The following BCR variants were observed in gnomAD, a reference collection of about 807,000 sequenced individuals.
BCR encodes the protein breakpoint cluster region protein.
BCR carries 58 observed loss-of-function variants against 138.6 expected under a neutral mutation model. The ratio of observed to expected loss-of-function variants is 0.42; its 90% CI spans 0.34 to 0.52. The LOEUF is 0.52. Ranked by LOEUF, BCR falls within the 20% of genes least tolerant of loss-of-function variation. BCR has a pLI of 0.06. For synonymous variants in BCR, 786 were observed against 730.1 expected, an observed-to-expected ratio of 1.08 and a Z score of -1.23; for missense variants, 1,599 against 1,727.2, an observed-to-expected ratio of 0.93 and a Z score of 1.32.
chr22:23,315,921 G>A lies in BCR; in HGVS notation c.*399G>A, dbSNP rs2074067366. 3 of 408,218 alleles carry A rather than the reference G, an allele frequency of 7.3e-6. No individual in the cohort carries two copies. Among genetic ancestry groups the A allele is most frequent in the South Asian group, 6.8e-5 (3 of 44,340 alleles). The allele number at this position is 408,218 out of a possible 1,614,324, so 25.3% of individuals were successfully genotyped here. ...GGGAACGTGACTGGATTCCCTCACT[G>A]TTGTATCTTGAATAAACGCTGCTGC... On this transcript the variant is annotated 3_prime_UTR_variant, in exon 23 of 23. Coordinates refer to ENST00000305877, the MANE Select transcript of BCR (RefSeq NM_004327.4).
intron 4 of BCR, 67 bp from the exon 5 acceptor site, chr22:23,268,341 C>A: frequency 7.5e-7 from 1 of 1,325,562 alleles, no homozygotes; most frequent in Non-Finnish European, 1.0e-6. Flanking sequence ...TGCACGGGAG[C>A]CTGCTCTTCA....
intron 8 of BCR, among the ~76,000 whole-genome samples, chr22:23,280,588 C>T (rs906259940): frequency 6.6e-6 from 1 of 152,206 alleles, no homozygotes; most frequent in Non-Finnish European, 1.5e-5. Flanking sequence ...GTCTTTCTCA[C>T]CCCATCATGT....
chr22:23,243,346 G>A (rs953863671), intron 1 of BCR, among the ~76,000 whole-genome samples: 3 of 152,148 alleles, frequency 2.0e-5, no homozygotes, highest in Non-Finnish European at 4.4e-5. Flanking sequence ...TTGATCACCC[G>A]TGTCTACAGC....
intron 16 of BCR, among the ~76,000 whole-genome samples, chr22:23,298,111 T>C (rs1047571675): frequency 5.9e-5 from 9 of 152,178 alleles, no homozygotes; most frequent in African/African-American, 2.2e-4. Flanking sequence ...ATGGGCTCAA[T>C]GCTGAAGTCA....
intron 1 of BCR, among the ~76,000 whole-genome samples, chr22:23,253,039 C>G (rs935139996): frequency 6.6e-6 from 1 of 152,170 alleles, no homozygotes; most frequent in African/African-American, 2.4e-5. Flanking sequence ...ACAGCCCCCT[C>G]CTTGAGTTTG....
At chr22:23,294,697 C>A (rs1197197008) in intron 15 of BCR, among the ~76,000 whole-genome samples, 2 of 152,226 alleles carry the variant, frequency 1.3e-5, no homozygotes, top group Non-Finnish European at 1.5e-5. Flanking sequence ...CCGTGCCCAG[C>A]CCATAGAAAT....
At position 23,244,185 on chromosome 22, in the gene BCR, G is replaced by C. The variant is rs551593688; in HGVS notation, c.1280-9614G>C. Among the ~76,000 whole-genome samples the C allele has an allele frequency of 2.9e-4, 44 of 152,324 alleles. No individual in the cohort carries two copies. In the South Asian group the frequency reaches 8.7e-3, roughly 30 times the overall value. On this transcript the variant is annotated intron_variant, in intron 1 of 22. Transcript: ENST00000305877. ...GTCCAGAGACTGGGAGGATTGCCTGGTGAAAGGAGAAAACCCACACGTGTG... is the reference window on the plus strand; with the variant it reads ...GTCCAGAGACTGGGAGGATTGCCTGCTGAAAGGAGAAAACCCACACGTGTG...
At chr22:23,251,667 G>A (rs535610178) in intron 1 of BCR, among the ~76,000 whole-genome samples, 1 of 152,260 alleles carries the variant, frequency 6.6e-6, no homozygotes, top group African/African-American at 2.4e-5. Flanking sequence ...CAGCCTGGGT[G>A]TGTGTGGTGG....
chr22:23,189,154 C>G lies in BCR; in HGVS notation c.1279+6915C>G, dbSNP rs5759633. On this transcript the variant is annotated intron_variant, in intron 1 of 22. Coordinates refer to ENST00000305877, the MANE Select transcript of BCR (RefSeq NM_004327.4). ...GGATTACAGGCCTGAGCCACTGCGC[C>G]CGGCTAAAATTTATATTATAAGATG... Among the ~76,000 whole-genome samples the G allele has an allele frequency of 8.6e-3, 1,305 of 152,280 alleles. 68 individuals are homozygous for G. The East Asian group carries it at 0.15, about 17-fold the overall frequency.
chr22:23,245,503 T>G (rs1321853548), intron 1 of BCR, among the ~76,000 whole-genome samples: 1 of 152,160 alleles, frequency 6.6e-6, no homozygotes, highest in Non-Finnish European at 1.5e-5. Flanking sequence ...CCAAGGACCC[T>G]GGTGGCAGGC....
chr22:23,219,148 G>T (rs1039075233), intron 1 of BCR, among the ~76,000 whole-genome samples: 5 of 152,200 alleles, frequency 3.3e-5, no homozygotes, highest in African/African-American at 1.2e-4. Context: ...ATAATCCAGG[G>T]GGAGGGGAGA....
In BCR at chr22:23,272,704, G is replaced by A. The variant is rs1406116758; in HGVS notation, c.1922-377G>A. Among the ~76,000 whole-genome samples the A allele has an allele frequency of 3.3e-5, 5 of 152,164 alleles. No individual in the cohort carries two copies. The South Asian group carries it at 8.3e-4, about 25-fold the overall frequency. ...GATGGTAAGAGCAGCTAAGAGGTCT[G>A]CTCAGCTTACCCTCTGGGCTGGGGA... On this transcript the variant is annotated intron_variant, in intron 6 of 22. Transcript: ENST00000305877.
Position 23,261,465 on chromosome 22 carries a change from G to A in BCR, c.1677G>A (p.Glu559=), listed in dbSNP as rs1203430872. 6.2e-6 allele frequency: 10 copies of A among 1,613,854 alleles called. No homozygotes were observed. The highest frequency in any genetic ancestry group is 1.7e-5 in the Admixed American group (1 of 60,020). The part of the protein sequence containing the change: ...KVPELYEIHK[E]FYDGLFPRVQ... Reference sequence around the variant, plus strand: ...CTGAGCTCTACGAGATCCACAAGGAGTTCTATGATGGGCTCTTCCCCCGCG... The same window carrying A: ...CTGAGCTCTACGAGATCCACAAGGAATTCTATGATGGGCTCTTCCCCCGCG... Residue 559 remains glutamate (E), a synonymous_variant, in exon 4 of 23, where the codon GAG becomes GAA. Transcript: ENST00000305877.
In BCR at chr22:23,186,617, A is replaced by C. The variant is rs116733880; in HGVS notation, c.1279+4378A>C. Among the ~76,000 whole-genome samples the C allele has an allele frequency of 6.2e-3, 943 of 152,186 alleles. 8 individuals are homozygous for C. Among genetic ancestry groups the C allele is most frequent in the African/African-American group, 0.021 (857 of 41,520 alleles). ...GTCTCTGAATTCAGCTATTATAGATACCTCATGTAAGTCCAGTCCTGTGGC... is the reference window on the plus strand; with the variant it reads ...GTCTCTGAATTCAGCTATTATAGATCCCTCATGTAAGTCCAGTCCTGTGGC... On this transcript the variant is annotated intron_variant, in intron 1 of 22. Coordinates refer to ENST00000305877, the MANE Select transcript of BCR (RefSeq NM_004327.4).
intron 8 of BCR, among the ~76,000 whole-genome samples, chr22:23,278,733 C>CA (rs567063864): frequency 1.4e-4 from 21 of 150,488 alleles, no homozygotes; most frequent in Admixed American, 5.3e-4. Context: ...AATTCCGTCT[C>CA]AAAAAAAAAG....
chr22:23,258,258 GCC>G (rs397837229), intron 2 of BCR, among the ~76,000 whole-genome samples: 1 of 145,910 alleles, frequency 6.9e-6, no homozygotes, highest in Admixed American at 6.9e-5. Flanking sequence ...CAAAAAGGTG[GCC>G]CAGGAAGGCT....
chr22:23,188,570 G>A lies in BCR; in HGVS notation c.1279+6331G>A, dbSNP rs1445537168. 2.0e-5 allele frequency among the ~76,000 whole-genome samples: 3 copies of A among 152,150 alleles called. No homozygotes were observed. The East Asian group carries it at 5.8e-4, about 29-fold the overall frequency. On this transcript the variant is annotated intron_variant, in intron 1 of 22. Coordinates refer to ENST00000305877, the MANE Select transcript of BCR (RefSeq NM_004327.4). ...AGGCTGCAGCTCACCCCTGTGGTTT[G>A]AGAGGGTCCCCTGTTTAGAGTGAAT...
chr22:23,198,377 T>C, intron 1 of BCR: 1 of 451,078 alleles, frequency 2.2e-6, no homozygotes. Context: ...AAGTAGGGGC[T>C]CCAGAAAGGT....
chr22:23,230,448 C>T (rs1362876361), intron 1 of BCR, among the ~76,000 whole-genome samples: 1 of 152,222 alleles, frequency 6.6e-6, no homozygotes, highest in East Asian at 1.9e-4. Flanking sequence ...AACTTTCCTG[C>T]GGCCCCTCCC....
Sources: allele counts gnomAD v4.1 joint callset (sites outside exome capture counted in the v4.1 genomes callset), GRCh38; gene constraint gnomAD v4.1.1; transcripts MANE v1.5; gene names NCBI Gene and HGNC (gene_info 2026-07-23, HGNC 2026-07-21).